The following TNRC6A variants were observed in gnomAD, a reference collection of about 807,000 sequenced individuals.
The protein encoded by TNRC6A is trinucleotide repeat containing adaptor 6A.
In TNRC6A, 44 loss-of-function variants were observed where a neutral mutation model predicts 221.2. The observed-to-expected ratio is 0.20, with a 90% confidence interval of 0.16 to 0.26. The LOEUF (loss-of-function observed/expected upper bound fraction) is 0.26, where lower values mean the gene tolerates loss of function less well. TNRC6A is among the 10% of genes least tolerant of loss of function. The pLI is 1.00. For synonymous variants in TNRC6A, 847 were observed against 838.5 expected, an observed-to-expected ratio of 1.01 and a Z score of -0.18; for missense variants, 2,199 against 2,404.4, an observed-to-expected ratio of 0.91 and a Z score of 1.79.
chr16:24,726,720 T>C (rs2056499120), upstream of TNRC6A, among the ~76,000 whole-genome samples: 1 of 152,126 alleles, frequency 6.6e-6, no homozygotes. Context: ...CAAGGGAGTT[T>C]TGGGCTTTTT....
chr16:24,698,652 C>T (rs1323549267), intron 2 of TNRC6A, among the ~76,000 whole-genome samples: 1 of 152,146 alleles, frequency 6.6e-6, no homozygotes, highest in Admixed American at 6.6e-5. Flanking sequence ...GAAACCCACT[C>T]GATTTATTTC....
chr16:24,819,311 T>C (rs1411783900), intron 21 of TNRC6A, among the ~76,000 whole-genome samples: 1 of 152,204 alleles, frequency 6.6e-6, no homozygotes, highest in Non-Finnish European at 1.5e-5. Flanking sequence ...TGCTGTCCCC[T>C]CATGCTTTTA....
chr16:24,805,726 A>G lies in TNRC6A; in HGVS notation c.4244A>G (p.Gln1415Arg). 1 of 1,614,210 alleles carries G rather than the reference A, an allele frequency of 6.2e-7. No individual in the cohort carries two copies. Among genetic ancestry groups the G allele is most frequent in the East Asian group, 2.2e-5 (1 of 44,890 alleles). The change falls in exon 15 of 25, where the codon CAG (glutamine) becomes CGG (arginine). Residue 1415 changes from glutamine to arginine, a missense_variant. This residue lies in a region of TNRC6A where 449 missense variants were observed against 579.7 expected (regional missense o/e 0.77). Transcript: ENST00000395799. ...CTAAACCAGCTTTCTCAGATCTCCC[A>G]GTTACAGGTAAGCAGAGTCATAGTC... ...SQLNQLSQIS[Q>R]LQRLLAQQQR...
At chr16:24,813,472 C>T (rs1289944815) in intron 18 of TNRC6A, among the ~76,000 whole-genome samples, 1 of 152,192 alleles carries the variant, frequency 6.6e-6, no homozygotes, top group African/African-American at 2.4e-5. Flanking sequence ...TAATGGCTCC[C>T]AGCTCCATCC....
At chr16:24,656,585 A>G (rs2054918827) in intron 2 of TNRC6A, among the ~76,000 whole-genome samples, 1 of 152,154 alleles carries the variant, frequency 6.6e-6, no homozygotes, top group African/African-American at 2.4e-5. Flanking sequence ...AAAAAATTCC[A>G]AAGGCAGAAA....
intron 2 of TNRC6A, among the ~76,000 whole-genome samples, chr16:24,690,210 A>G (rs1032052298): frequency 2.0e-5 from 3 of 151,786 alleles, no homozygotes; most frequent in African/African-American, 4.8e-5. Flanking sequence ...GGATCTCACC[A>G]TGTTGCCCAA....
At position 24,793,390 on chromosome 16, in the gene TNRC6A, C is replaced by G. The variant is rs2058151709; in HGVS notation, c.3176-83C>G. 3.7e-6 allele frequency: 4 copies of G among 1,079,834 alleles called. No individual in the cohort carries two copies. In the African/African-American group the frequency reaches 4.9e-5, roughly 13 times the overall value. 66.9% of individuals were successfully genotyped at this position (1,079,834 alleles called of 1,614,324 possible). The stretch of plus-strand genomic sequence containing the variant: ...AACATGAAGTTCTTCATCCTTGGTC[C>G]CTAAGTTTTCTTTATTGTCCCTTAT... On this transcript the variant is annotated intron_variant, in intron 6 of 24. Coordinates refer to ENST00000395799, the MANE Select transcript of TNRC6A (RefSeq NM_014494.4).
intron 2 of TNRC6A, among the ~76,000 whole-genome samples, chr16:24,744,915 G>A (rs1567415127): frequency 6.6e-6 from 1 of 152,104 alleles, no homozygotes; most frequent in East Asian, 1.9e-4. Flanking sequence ...AGCACACTGA[G>A]CCTTAGATTT....
intron 2 of TNRC6A, among the ~76,000 whole-genome samples, chr16:24,652,390 G>A (rs74013285): frequency 0.02 from 3,079 of 152,192 alleles, 92 homozygotes; most frequent in African/African-American, 0.062. Context: ...TTATATGGTG[G>A]CCTTTCTGTA....
At chr16:24,623,198 T>C (rs1328626098) in intron 1 of TNRC6A, among the ~76,000 whole-genome samples, 2 of 129,036 alleles carry the variant, frequency 1.5e-5, no homozygotes, top group Admixed American at 7.7e-5. Flanking sequence ...TATTTACTTA[T>C]TTTATTTATT....
intron 2 of TNRC6A, among the ~76,000 whole-genome samples, chr16:24,666,636 A>T (rs2055168725): frequency 1.5e-5 from 1 of 67,160 alleles, no homozygotes; most frequent in African/African-American, 9.6e-5. Flanking sequence ...ACCCTGTCTT[A>T]GAGAAAAAAA....
At chr16:24,735,298 A>G (rs1483915190) in intron 2 of TNRC6A, among the ~76,000 whole-genome samples, 2 of 152,158 alleles carry the variant, frequency 1.3e-5, no homozygotes, top group Non-Finnish European at 2.9e-5. Flanking sequence ...AAAAGAAATG[A>G]CTAGGACAGC....
At chr16:24,650,644 G>A (rs1421593597) in intron 2 of TNRC6A, among the ~76,000 whole-genome samples, 2 of 150,690 alleles carry the variant, frequency 1.3e-5, no homozygotes, top group Non-Finnish European at 2.9e-5. Context: ...GAGCCTGGGC[G>A]ATAGAGTGAG....
chr16:24,788,391 G>A (rs1300998466), intron 5 of TNRC6A, among the ~76,000 whole-genome samples: 1 of 152,142 alleles, frequency 6.6e-6, no homozygotes, highest in African/African-American at 2.4e-5. Context: ...GGACACTAAT[G>A]AAATAGAATG....
intron 2 of TNRC6A, among the ~76,000 whole-genome samples, chr16:24,697,010 G>A (rs139670415): frequency 2.5e-4 from 38 of 152,126 alleles, no homozygotes; most frequent in Non-Finnish European, 4.4e-4. Flanking sequence ...CTGTTGTTCC[G>A]CAGCACTAGT....
chr16:24,612,109 A>G (rs1296326381), intron 1 of TNRC6A, among the ~76,000 whole-genome samples: 1 of 152,138 alleles, frequency 6.6e-6, no homozygotes, highest in African/African-American at 2.4e-5. Context: ...AATAAAATGA[A>G]ATAAAATAAA....
Position 24,823,294 on chromosome 16 carries a change from G to T in TNRC6A, c.5514-138G>T, listed in dbSNP as rs941498782. ...GCACACTCGGGTGAAGGGAGGGCAC[G>T]CAGGTTATGTGGTGTAGTCTCTCCC... On this transcript the variant is annotated intron_variant, in intron 24 of 24. Transcript: ENST00000395799. This position sits in a 1 kb window ranked among gnomAD's most constrained non-coding sequence, Gnocchi z 4.3. The T allele has an allele frequency of 1.4e-5, 16 of 1,118,904 alleles. No homozygotes were observed. The East Asian group carries it at 1.5e-4, about 10-fold the overall frequency. 69.3% of individuals were successfully genotyped at this position (1,118,904 alleles called of 1,614,324 possible). A position where few individuals can be genotyped will look rare whatever the true frequency, so the allele number is the denominator to read the frequency against.
intron 2 of TNRC6A, among the ~76,000 whole-genome samples, chr16:24,685,424 C>T (rs1195172383): frequency 6.6e-6 from 1 of 152,090 alleles, no homozygotes; most frequent in Non-Finnish European, 1.5e-5. Flanking sequence ...GCAACCTCCG[C>T]CTCCCAGGCT....
intron 1 of TNRC6A, among the ~76,000 whole-genome samples, chr16:24,618,768 C>A (rs1230438382): frequency 6.7e-6 from 1 of 149,676 alleles, no homozygotes; most frequent in Non-Finnish European, 1.5e-5. Flanking sequence ...GTAGCTGGAA[C>A]CACAGGCACA....
Sources: allele counts gnomAD v4.1 joint callset (sites outside exome capture counted in the v4.1 genomes callset), GRCh38; gene constraint gnomAD v4.1.1; regional missense constraint gnomAD v4.1.1; non-coding constraint Gnocchi (gnomAD v3.1); transcripts MANE v1.5; gene names NCBI Gene and HGNC (gene_info 2026-07-23, HGNC 2026-07-21).